The following HERC3 variants were observed in gnomAD, a reference collection of about 807,000 sequenced individuals.
The protein encoded by HERC3 is probable E3 ubiquitin-protein ligase HERC3.
HERC3 carries 58 observed loss-of-function variants against 129.9 expected under a neutral mutation model. That is an observed-to-expected ratio of 0.45 (90% CI 0.36 to 0.56). The LOEUF is 0.56. Among genes scored for constraint, HERC3 ranks in the 20% least tolerant of loss-of-function variants. The pLI, the probability that HERC3 is intolerant of heterozygous loss-of-function variation, is 0.00. For synonymous variants in HERC3, 430 were observed against 451.0 expected (o/e 0.95, Z 0.59); for missense variants, 835 against 1,244.2 (o/e 0.67, Z 4.95).
intron 16 of HERC3, among the ~76,000 whole-genome samples, chr4:88,673,787 C>G (rs1731863063): frequency 1.3e-5 from 2 of 152,182 alleles, no homozygotes; most frequent in Non-Finnish European, 1.5e-5. Flanking sequence ...CAAAAACTTA[C>G]AGACTTACAA....
In HERC3 at chr4:88,669,907, A is replaced by G; in HGVS notation, c.1681A>G (p.Asn561Asp). The G allele has an allele frequency of 6.2e-7, 1 of 1,613,646 alleles. No individual in the cohort carries two copies. Among genetic ancestry groups the G allele is most frequent in the Non-Finnish European group, 8.5e-7 (1 of 1,179,638 alleles). The change falls in exon 15 of 26, where the codon AAC (asparagine) becomes GAC (aspartate). Residue 561 changes from asparagine to aspartate, a missense_variant. Asn to Asp is a conservative substitution (Grantham distance 23, BLOSUM62 1). Coordinates refer to ENST00000402738, the MANE Select transcript of HERC3 (RefSeq NM_014606.3). ...VCPKYFMKLV[N>D]LYKGAVLYLL... is the part of the protein sequence containing the mutation. ...CCCGAAATATTTCATGAAGCTGGTA[A>G]ACCTCTATAAAGGTGCAGTCCTTTA...
the HERC3 span, among the ~76,000 whole-genome samples, chr4:88,567,665 A>G: frequency 6.6e-6 from 1 of 152,108 alleles, no homozygotes; most frequent in Admixed American, 6.6e-5. Context: ...TCTTTGTTAA[A>G]TTTATCTGAT....
chr4:88,628,668 TA>T, intron 3 of HERC3, among the ~76,000 whole-genome samples: 1 of 152,300 alleles, frequency 6.6e-6, no homozygotes, highest in East Asian at 1.9e-4. Flanking sequence ...TGAGTGGGAT[TA>T]ACTATCTTTA....
rs374480183 is a variant in HERC3, at chr4:88,658,395, C to T, written c.1070-20C>T. The T allele has an allele frequency of 1.6e-5, 23 of 1,471,606 alleles. No individual in the cohort carries two copies. Among genetic ancestry groups the T allele is most frequent in the South Asian group, 3.6e-5 (3 of 82,866 alleles). 91.2% of individuals were successfully genotyped at this position (1,471,606 alleles called of 1,614,324 possible). A position where few individuals can be genotyped will look rare whatever the true frequency, so the allele number is the denominator to read the frequency against. Reference sequence around the variant, plus strand: ...CTTCAATTAATGAAAAATATGCTTTCGGAATTTTTTTTTTGACAGATCGCT... The same window carrying T: ...CTTCAATTAATGAAAAATATGCTTTTGGAATTTTTTTTTTGACAGATCGCT... On this transcript the variant is annotated intron_variant, in intron 9 of 25. Transcript: ENST00000402738.
chr4:88,619,544 G>A (rs1015800241), intron 3 of HERC3, among the ~76,000 whole-genome samples: 4 of 152,184 alleles, frequency 2.6e-5, no homozygotes, highest in Admixed American at 1.3e-4. Flanking sequence ...AAAAAAATTA[G>A]GGGAATGTGT....
chr4:88,653,266 C>G (rs1371492571), intron 6 of HERC3, among the ~76,000 whole-genome samples, 176 bp downstream of exon 6: 1 of 152,178 alleles, frequency 6.6e-6, no homozygotes, highest in Non-Finnish European at 1.5e-5. Flanking sequence ...AGAGGTGCAA[C>G]AAAACCAGTA....
rs1734274506 is a variant in HERC3 at position 88,693,430 on chromosome 4, T to C, written c.2657+6131T>C. ...ATCCAGTCCTTAGAAACATGGTGTG[T>C]ATTCTTTAAAAAAAAAGTTGCATTT... On this transcript the variant is annotated intron_variant, in intron 23 of 25. Coordinates refer to ENST00000402738, the MANE Select transcript of HERC3 (RefSeq NM_014606.3). 6.2e-6 allele frequency: 6 copies of C among 971,606 alleles called. No individual in the cohort carries two copies. The Admixed American group carries it at 3.1e-4, about 50-fold the overall frequency. The allele number at this position is 971,606 out of a possible 1,614,324, so 60.2% of individuals were successfully genotyped here. A position where few individuals can be genotyped will look rare whatever the true frequency, so the allele number is the denominator to read the frequency against.
At chr4:88,667,530 T>C in intron 13 of HERC3, 42 bp downstream of exon 13, 1 of 1,074,250 alleles carries the variant, frequency 9.3e-7, no homozygotes, top group Non-Finnish European at 1.4e-6. Flanking sequence ...AAAAATGCAT[T>C]TTTGTATCGA....
At chr4:88,567,293 G>A in the HERC3 span, among the ~76,000 whole-genome samples, 1 of 152,026 alleles carries the variant, frequency 6.6e-6, no homozygotes, top group African/African-American at 2.4e-5. Flanking sequence ...AAATCTGCTT[G>A]GTTTTCTATA....
chr4:88,682,945 T>G lies in HERC3; in HGVS notation c.2507+1620T>G, dbSNP rs557490242. Reference sequence around the variant, plus strand: ...CTAGTTTACAGTCCCATCAACAGTGTAAAAGTGTTCTTATTTCTCCACATC... The same window carrying G: ...CTAGTTTACAGTCCCATCAACAGTGGAAAAGTGTTCTTATTTCTCCACATC... On this transcript the variant is annotated intron_variant, in intron 21 of 25. Coordinates refer to ENST00000402738, the MANE Select transcript of HERC3 (RefSeq NM_014606.3). Among the ~76,000 whole-genome samples the G allele has an allele frequency of 4.6e-5, 7 of 152,344 alleles. No homozygotes were observed. In the East Asian group the frequency reaches 1.4e-3, roughly 29 times the overall value.
chr4:88,537,082 A>C, the HERC3 span, among the ~76,000 whole-genome samples: 1 of 152,226 alleles, frequency 6.6e-6, no homozygotes, highest in East Asian at 1.9e-4. Flanking sequence ...GAAAACCAAA[A>C]CAAAATATAT....
chr4:88,579,005 T>C, the HERC3 span, among the ~76,000 whole-genome samples: 2 of 152,168 alleles, frequency 1.3e-5, no homozygotes, highest in African/African-American at 4.8e-5. Context: ...TTTAGCATAA[T>C]GGCAGAATTT....
intron 4 of HERC3, 51 bp downstream of exon 4, chr4:88,650,050 G>A (rs1489968724): frequency 5.1e-6 from 8 of 1,556,836 alleles, no homozygotes; most frequent in Non-Finnish European, 7.0e-6. Context: ...TCCTGCTGTT[G>A]ATTTGTTAGA....
the HERC3 span, among the ~76,000 whole-genome samples, chr4:88,578,050 A>C: frequency 1.3e-5 from 2 of 152,212 alleles, no homozygotes; most frequent in Non-Finnish European, 2.9e-5. Flanking sequence ...AGGTGTTTCC[A>C]CAATGAATTA....
chr4:88,543,369 A>G, the HERC3 span, among the ~76,000 whole-genome samples: 1 of 152,166 alleles, frequency 6.6e-6, no homozygotes, highest in Non-Finnish European at 1.5e-5. Context: ...TCGGAATCAA[A>G]CTTACAAGGG....
rs1304809456 is a variant in HERC3 at position 88,592,510 on chromosome 4, C to T, written c.-152C>T. 6.6e-6 allele frequency: 1 copy of T among 152,332 alleles called. No individual in the cohort carries two copies. Among genetic ancestry groups the T allele is most frequent in the Non-Finnish European group, 1.5e-5 (1 of 68,138 alleles). 9.4% of individuals were successfully genotyped at this position (152,332 alleles called of 1,614,324 possible). ...TATTGTGACGCCGAAAACGGAGAAACCCCGGGTCCGGCGAGAGGGGCTGTG... is the reference window on the plus strand; with the variant it reads ...TATTGTGACGCCGAAAACGGAGAAATCCCGGGTCCGGCGAGAGGGGCTGTG... On this transcript the variant is annotated 5_prime_UTR_variant, in exon 1 of 26. Transcript: ENST00000402738.
intron 3 of HERC3, among the ~76,000 whole-genome samples, chr4:88,640,456 C>T (rs1322035466): frequency 2.0e-5 from 3 of 152,186 alleles, no homozygotes; most frequent in African/African-American, 7.2e-5. Flanking sequence ...CCATCATTCT[C>T]AGCAAACTAA....
intron 3 of HERC3, among the ~76,000 whole-genome samples, chr4:88,623,157 A>C (rs1725729739): frequency 6.6e-6 from 1 of 152,208 alleles, no homozygotes; most frequent in Non-Finnish European, 1.5e-5. Context: ...CACCTGGGCA[A>C]CTTCAGATTT....
intron 23 of HERC3, chr4:88,693,333 G>C: frequency 1.0e-6 from 1 of 964,932 alleles, no homozygotes; most frequent in South Asian, 4.8e-5. Flanking sequence ...ATTTGAATTT[G>C]TTGGTAGATA....
Sources: gnomAD v4.1 joint callset for allele counts (sites outside exome capture counted in the v4.1 genomes callset) on GRCh38, gnomAD v4.1.1 for gene constraint, MANE v1.5 for transcripts, NCBI Gene and HGNC (gene_info 2026-07-23, HGNC 2026-07-21) for gene names.